C1GALT1: variants seen among roughly 807,000 people sequenced by gnomAD.
The protein encoded by C1GALT1 is glycoprotein-N-acetylgalactosamine 3-beta-galactosyltransferase 1.
C1GALT1 carries 11 observed loss-of-function variants against 31.0 expected under a neutral mutation model. That is an observed-to-expected ratio of 0.36 (90% CI 0.22 to 0.59). The LOEUF (loss-of-function observed/expected upper bound fraction) is 0.59, where lower values mean the gene tolerates loss of function less well. C1GALT1 is among the 20% of genes least tolerant of loss of function. C1GALT1 has a pLI of 0.79. For missense variants in C1GALT1, 424 were observed against 425.2 expected (o/e 1.00, Z 0.03); for synonymous variants, 175 against 143.6 (o/e 1.22, Z -1.56).
At chr7:7,163,932 C>G (rs1355167577) in intron 2 of C1GALT1, among the ~76,000 whole-genome samples, 1 of 151,876 alleles carries the variant, frequency 6.6e-6, no homozygotes, top group Non-Finnish European at 1.5e-5. Context: ...CATCAAGCTA[C>G]CAATGACTTT....
At chr7:7,210,060 T>C (rs537960659) in intron 1 of C1GALT1, among the ~76,000 whole-genome samples, 2 of 152,218 alleles carry the variant, frequency 1.3e-5, no homozygotes, top group African/African-American at 4.8e-5. Flanking sequence ...TTCACTTCTT[T>C]TGTGATTTTT....
At chr7:7,197,682 T>C (rs1446989986) in intron 1 of C1GALT1, among the ~76,000 whole-genome samples, 1 of 152,208 alleles carries the variant, frequency 6.6e-6, no homozygotes, top group Non-Finnish European at 1.5e-5. Context: ...GAGCATGGAA[T>C]GTTCTTCCAT....
At chr7:7,176,302 C>T (rs533249432) in intron 2 of C1GALT1, among the ~76,000 whole-genome samples, 1 of 152,076 alleles carries the variant, frequency 6.6e-6, no homozygotes, top group Non-Finnish European at 1.5e-5. Context: ...AAAAAAAATG[C>T]CACATTATGC....
intron 1 of C1GALT1, among the ~76,000 whole-genome samples, chr7:7,232,314 A>G (rs1783114772): frequency 6.6e-6 from 1 of 151,994 alleles, no homozygotes; most frequent in African/African-American, 2.4e-5. Context: ...TTTTGTTTTT[A>G]TTATTGTAGT....
upstream of C1GALT1, among the ~76,000 whole-genome samples, chr7:7,181,084 C>A (rs1242369756): frequency 6.6e-6 from 1 of 152,044 alleles, no homozygotes; most frequent in African/African-American, 2.4e-5. Flanking sequence ...TTAATTATAA[C>A]TTTTAATAAA....
chr7:7,189,794 G>A (rs1010747719), intron 1 of C1GALT1, among the ~76,000 whole-genome samples: 1 of 151,900 alleles, frequency 6.6e-6, no homozygotes, highest in African/African-American at 2.4e-5. Context: ...TTTTCTTCCA[G>A]TTTTGTTTTA....
chr7:7,221,164 T>G (rs1782494824), intron 1 of C1GALT1, among the ~76,000 whole-genome samples: 1 of 151,274 alleles, frequency 6.6e-6, no homozygotes, highest in Non-Finnish European at 1.5e-5. Context: ...TCTGGACCTC[T>G]AAAGTGATCT....
At chr7:7,234,720 A>C (rs1343124049) in intron 2 of C1GALT1, 181 bp downstream of exon 2, 2 of 528,740 alleles carry the variant, frequency 3.8e-6, no homozygotes, top group Non-Finnish European at 6.6e-6. Context: ...ATAAGATATT[A>C]ATTTTGAATT....
chr7:7,196,053 T>G (rs1022901336), intron 1 of C1GALT1, among the ~76,000 whole-genome samples: 4 of 145,512 alleles, frequency 2.7e-5, no homozygotes, highest in Admixed American at 6.8e-5. Context: ...TGTTGTTGTT[T>G]TTGTAATTTA....
chr7:7,240,149 C>T (rs1237508177), intron 3 of C1GALT1, among the ~76,000 whole-genome samples: 2 of 152,184 alleles, frequency 1.3e-5, no homozygotes, highest in African/African-American at 2.4e-5. Context: ...AATTTTGCCC[C>T]CAGAGGACAT....
intron 1 of C1GALT1, among the ~76,000 whole-genome samples, chr7:7,224,826 G>C (rs1175182380): frequency 6.6e-6 from 1 of 152,248 alleles, no homozygotes; most frequent in East Asian, 1.9e-4. Flanking sequence ...GAGGTGAATT[G>C]TGTGTCATGG....
intron 1 of C1GALT1, among the ~76,000 whole-genome samples, chr7:7,192,622 C>G (rs1324329196): frequency 6.6e-6 from 1 of 151,942 alleles, no homozygotes; most frequent in African/African-American, 2.4e-5. Flanking sequence ...AATGTGTGTT[C>G]AAGTGTGTTT....
At chr7:7,208,060 G>C (rs1201094898) in intron 1 of C1GALT1, among the ~76,000 whole-genome samples, 1 of 152,058 alleles carries the variant, frequency 6.6e-6, no homozygotes, top group South Asian at 2.1e-4. Context: ...GTTTCAACCT[G>C]CTTGGGACAT....
chr7:7,222,300 CCTT>C (rs1386571480), intron 1 of C1GALT1, among the ~76,000 whole-genome samples: 7 of 152,114 alleles, frequency 4.6e-5, no homozygotes, highest in Non-Finnish European at 1.0e-4. Flanking sequence ...AATTTCTGCT[CCTT>C]AATTTTCTGG....
intron 1 of C1GALT1, among the ~76,000 whole-genome samples, chr7:7,184,348 G>A (rs1178762919): frequency 2.0e-5 from 3 of 152,146 alleles, no homozygotes; most frequent in Non-Finnish European, 4.4e-5. Flanking sequence ...CCTGGAATGT[G>A]TATTTTTTTG....
At chr7:7,192,143 C>T (rs1293422605) in intron 1 of C1GALT1, among the ~76,000 whole-genome samples, 1 of 148,424 alleles carries the variant, frequency 6.7e-6, no homozygotes. Context: ...ACTTTTTCTT[C>T]TTTTTTTTTT....
intron 1 of C1GALT1, among the ~76,000 whole-genome samples, chr7:7,213,984 G>T (rs1232800958): frequency 6.6e-6 from 1 of 152,188 alleles, no homozygotes; most frequent in African/African-American, 2.4e-5. Context: ...ATCCCTGATG[G>T]GAGGCTCATC....
Position 7,234,505 on chromosome 7 carries a change from A to T in C1GALT1, c.186A>T (p.Gln62His). ...DDNGQNHLEGQMNFNADSSQH... is the reference protein window; with the variant it reads ...DDNGQNHLEGHMNFNADSSQH... ...ATGGACAGAATCATCTAGAAGGACA[A>T]ATGAACTTCAATGCAGATTCTAGCC... Residue 62 changes from glutamine to histidine, a missense_variant, in exon 2 of 4, where the codon CAA becomes CAT. Physicochemically the swap from Gln to His is conservative, Grantham distance 24. This residue lies in a region of C1GALT1 where 189 missense variants were observed against 158.2 expected (regional missense o/e 1.19). Coordinates refer to ENST00000436587, the MANE Select transcript of C1GALT1 (RefSeq NM_020156.5). 1 of 1,612,720 alleles carries T rather than the reference A, an allele frequency of 6.2e-7. No individual in the cohort carries two copies. Among genetic ancestry groups the T allele is most frequent in the South Asian group, 1.1e-5 (1 of 91,038 alleles).
chr7:7,177,958 C>T, upstream of C1GALT1: 1 of 208,330 alleles, frequency 4.8e-6, no homozygotes. Context: ...GGTCATCCAG[C>T]TAATCAGTGA....
Sources: gnomAD v4.1 joint callset for allele counts (sites outside exome capture counted in the v4.1 genomes callset) on GRCh38, gnomAD v4.1.1 for gene constraint, gnomAD v4.1.1 regional missense constraint, MANE v1.5 for transcripts, NCBI Gene and HGNC (gene_info 2026-07-23, HGNC 2026-07-21) for gene names.